Variants in CACNA1E observed in about 807,000 individuals in gnomAD.
CACNA1E encodes calcium voltage-gated channel subunit alpha1 E, also known as voltage-dependent R-type calcium channel subunit alpha-1E.
A neutral mutation model predicts 259.2 loss-of-function variants in CACNA1E; 40 were observed. That is an observed-to-expected ratio of 0.15 (90% CI 0.12 to 0.20). The LOEUF (loss-of-function observed/expected upper bound fraction) is 0.20. Ranked by LOEUF, CACNA1E falls within the 10% of genes least tolerant of loss-of-function variation. The pLI is 1.00. For missense variants in CACNA1E, 1,874 were observed against 3,040.1 expected (o/e 0.62, Z 9.02); for synonymous variants, 1,104 against 1,138.5 (o/e 0.97, Z 0.61).
intron 39 of CACNA1E, 145 bp downstream of exon 39, chr1:181,781,668 C>A: frequency 1.5e-6 from 1 of 645,712 alleles, no homozygotes; most frequent in Non-Finnish European, 2.8e-6. Flanking sequence ...ACTGAAGAGT[C>A]AGGAAGGTTC....
chr1:181,646,632 C>A (rs1658290461), intron 6 of CACNA1E, among the ~76,000 whole-genome samples: 1 of 152,188 alleles, frequency 6.6e-6, no homozygotes, highest in African/African-American at 2.4e-5. Context: ...CCCTGGGGAA[C>A]CCTGTTAGAG....
At position 181,776,063 on chromosome 1, in the gene CACNA1E, G is replaced by A. The variant is rs756948305; in HGVS notation, c.5140-38G>A. On this transcript the variant is annotated intron_variant, in intron 37 of 47. Transcript: ENST00000367573. The surrounding 1 kb of genome is among the most constrained non-coding windows in gnomAD (Gnocchi z 4.4). ...CTTCTGCTTCCTGAGCTCTGCTTTA[G>A]GTTTCCCCTAACCCCTCTTCTTCCC... is the stretch of plus-strand genomic sequence containing the variant. 5.0e-6 allele frequency: 8 copies of A among 1,590,624 alleles called. No individual in the cohort carries two copies. The Admixed American group carries it at 1.2e-4, about 24-fold the overall frequency.
chr1:181,544,662 C>T (rs1419333773), intron 3 of CACNA1E, among the ~76,000 whole-genome samples: 2 of 152,186 alleles, frequency 1.3e-5, no homozygotes, highest in South Asian at 2.1e-4. Flanking sequence ...CCTTCTCCCC[C>T]TCCTTCATTC....
In CACNA1E at chr1:181,539,053, G is replaced by A. The variant is rs1419928827; in HGVS notation, c.512+27543G>A. On this transcript the variant is annotated intron_variant, in intron 3 of 47. Transcript: ENST00000367573. ...CTACTTGTGGTTCCTTGAATTGTGT[G>A]CTATTTCATGCCTCCTTCCTTTTGA... 2.6e-5 allele frequency among the ~76,000 whole-genome samples: 4 copies of A among 152,180 alleles called. No homozygotes were observed. In the East Asian group the frequency reaches 7.7e-4, roughly 29 times the overall value.
At chr1:181,563,284 G>A (rs1649501402) in intron 3 of CACNA1E, among the ~76,000 whole-genome samples, 2 of 152,086 alleles carry the variant, frequency 1.3e-5, no homozygotes, top group Admixed American at 1.3e-4. Flanking sequence ...AGGCATCATA[G>A]GCAGAACTAG....
intron 7 of CACNA1E, among the ~76,000 whole-genome samples, chr1:181,659,909 AG>A: frequency 6.6e-6 from 1 of 152,218 alleles, no homozygotes; most frequent in East Asian, 1.9e-4. Context: ...GCTTCTATTC[AG>A]GGATACTGAC....
At chr1:181,793,969 A>AC (rs573547723) in intron 45 of CACNA1E, among the ~76,000 whole-genome samples, 176 bp downstream of exon 45, 22 of 150,962 alleles carry the variant, frequency 1.5e-4, no homozygotes, top group South Asian at 8.5e-4. Context: ...GTTTTCAATG[A>AC]CCCCCCCTAA....
In CACNA1E at chr1:181,473,071, T is replaced by A. The variant is rs557108617; in HGVS notation, c.435-10673T>A. Among the ~76,000 whole-genome samples, 3 of 152,320 alleles carry A rather than the reference T, an allele frequency of 2.0e-5. No homozygotes were observed. The South Asian group carries it at 6.2e-4, about 32-fold the overall frequency. On this transcript the variant is annotated intron_variant, in intron 2 of 11. Transcript: ENST00000524607. ...CAGAACTAATGATCAGGATCGATGT[T>A]CCTGAATGGTAGGAACAGTGCTACC...
At chr1:181,645,048 G>A (rs953396435) in intron 6 of CACNA1E, among the ~76,000 whole-genome samples, 5 of 152,196 alleles carry the variant, frequency 3.3e-5, no homozygotes, top group African/African-American at 9.7e-5. Context: ...ATGCCACAGA[G>A]CCTGCCACGT....
intron 1 of CACNA1E, among the ~76,000 whole-genome samples, chr1:181,391,294 T>C (rs1009739033): frequency 2.6e-5 from 4 of 152,226 alleles, no homozygotes; most frequent in African/African-American, 9.6e-5. Flanking sequence ...ACTCCCCTGC[T>C]TAAAAACCTT....
intron 38 of CACNA1E, among the ~76,000 whole-genome samples, chr1:181,779,821 C>T (rs958193954): frequency 8.2e-5 from 3 of 36,664 alleles, no homozygotes; most frequent in Non-Finnish European, 1.2e-4. Context: ...TGCACATGTA[C>T]ACACACACAC....
chr1:181,500,650 G>A (rs1665167542), intron 1 of CACNA1E, among the ~76,000 whole-genome samples: 1 of 152,308 alleles, frequency 6.6e-6, no homozygotes, highest in Middle Eastern at 3.4e-3. Flanking sequence ...AAACATCTGA[G>A]CCCCTTATTA....
rs796222646 is a variant in CACNA1E, at chr1:181,478,180, G to A, written c.435-5564G>A. On this transcript the variant is annotated intron_variant, in intron 2 of 11. Transcript: ENST00000524607. ...CAGTCCTTCTGCAAAGATGCAATGA[G>A]AAAACATTACGGTTGGCACCCAGGA... Among the ~76,000 whole-genome samples, 4 of 152,336 alleles carry A rather than the reference G, an allele frequency of 2.6e-5. 1 individual carries two copies. Among genetic ancestry groups the A allele is most frequent in the African/African-American group, 9.6e-5 (4 of 41,578 alleles).
intron 1 of CACNA1E, among the ~76,000 whole-genome samples, chr1:181,491,400 T>A (rs889650757): frequency 2.6e-5 from 4 of 152,176 alleles, no homozygotes; most frequent in Admixed American, 2.6e-4. Context: ...AGGTCTGAAG[T>A]AGGGCTGGAG....
At chr1:181,762,478 C>T (rs1658667748) in intron 32 of CACNA1E, 96 bp from the exon 33 acceptor site, 1 of 756,786 alleles carries the variant, frequency 1.3e-6, no homozygotes, top group African/African-American at 1.8e-5. Context: ...AGTTTTATTT[C>T]CAAGGGACAA....
rs1450978729 is a variant in CACNA1E, at chr1:181,732,881, A to T, written c.2795A>T (p.Glu932Val). ...RHRRVRTEGK[E>V]SSSASRSRSA... ...CGCCGCGTCAGGACAGAAGGCAAGG[A>T]GTCCTCTTCAGCCTCCCGGAGCAGG... Residue 932 changes from glutamate (E) to valine (V), a missense_variant, in exon 20 of 48, where the codon GAG (glutamate) becomes GTG (valine). Around this residue, in one of 14 missense-constraint regions of CACNA1E, gnomAD observed 476 missense variants for 514.0 expected, o/e 0.93. Transcript: ENST00000367573. The surrounding 1 kb of genome is among the most constrained non-coding windows in gnomAD (Gnocchi z 5.5). 1 of 1,614,016 alleles carries T rather than the reference A, an allele frequency of 6.2e-7. No individual in the cohort carries two copies. The highest frequency in any genetic ancestry group is 8.5e-7 in the Non-Finnish European group (1 of 1,179,882).
chr1:181,562,955 A>G (rs561021407), intron 3 of CACNA1E, among the ~76,000 whole-genome samples: 2 of 152,340 alleles, frequency 1.3e-5, no homozygotes, highest in East Asian at 3.8e-4. Context: ...TTCTTTTTTA[A>G]TTATTAAAAT....
At chr1:181,521,517 CAGG>C (rs1179268836) in intron 3 of CACNA1E, among the ~76,000 whole-genome samples, 1 of 152,126 alleles carries the variant, frequency 6.6e-6, no homozygotes, top group East Asian at 1.9e-4. Context: ...TGGACAGAGT[CAGG>C]AGAAGACAGG....
At chr1:181,430,198 T>C (rs1044082960) in intron 2 of CACNA1E, among the ~76,000 whole-genome samples, 3 of 152,190 alleles carry the variant, frequency 2.0e-5, no homozygotes, top group African/African-American at 7.2e-5. Flanking sequence ...CACCACAATG[T>C]AGCAGTCTCT....
Sources: allele counts gnomAD v4.1 joint callset (sites outside exome capture counted in the v4.1 genomes callset), GRCh38; gene constraint gnomAD v4.1.1; regional missense constraint gnomAD v4.1.1; non-coding constraint Gnocchi (gnomAD v3.1); transcripts MANE v1.5; gene names NCBI Gene and HGNC (gene_info 2026-07-23, HGNC 2026-07-21).